Variants in RAB9B observed in about 807,000 individuals in gnomAD.
RAB9B encodes the protein ras-related protein Rab-9B.
Under a neutral mutation model 8.9 loss-of-function variants are expected in RAB9B, and 1 was observed. That is an observed-to-expected ratio of 0.11 (90% CI 0.04 to 0.53). The LOEUF is 0.53. RAB9B is among the 20% of genes least tolerant of loss of function. RAB9B has a pLI of 0.93. For missense variants in RAB9B, 82 were observed against 152.9 expected, an observed-to-expected ratio of 0.54 and a Z score of 2.45; for synonymous variants, 63 against 57.0, an observed-to-expected ratio of 1.10 and a Z score of -0.47.
the RAB9B span, chrX:103,776,637 C>T: frequency 1.2e-4 from 28 of 234,682 alleles, no homozygotes; most frequent in African/African-American, 7.1e-4. Context: ...TGCAGCAAAG[C>T]GAAATTCCAG....
the RAB9B span, among the ~76,000 whole-genome samples, chrX:103,805,161 G>A: frequency 8.9e-6 from 1 of 111,859 alleles, no homozygotes; most frequent in Non-Finnish European, 1.9e-5. Flanking sequence ...CCCTTTATGA[G>A]GTTAAGGAAA....
chrX:103,812,535 T>G, the RAB9B span, among the ~76,000 whole-genome samples: 1 of 112,151 alleles, frequency 8.9e-6, no homozygotes, highest in Non-Finnish European at 1.9e-5. Flanking sequence ...ATCAGACTTT[T>G]AAAGACTTGG....
downstream of RAB9B, among the ~76,000 whole-genome samples, chrX:103,820,945 G>A (rs1037147091): frequency 1.1e-5 from 1 of 91,274 alleles, no homozygotes; most frequent in African/African-American, 4.2e-5. Context: ...GCAAGACCCT[G>A]TCTCAAACAC....
the RAB9B span, among the ~76,000 whole-genome samples, chrX:103,814,150 C>T: frequency 8.9e-6 from 1 of 111,762 alleles, no homozygotes; most frequent in Non-Finnish European, 1.9e-5. Flanking sequence ...CTCAGCACCA[C>T]ATCACACTTA....
At chrX:103,814,402 A>AC in the RAB9B span, among the ~76,000 whole-genome samples, 1 of 112,095 alleles carries the variant, frequency 8.9e-6, no homozygotes, top group Non-Finnish European at 1.9e-5. Flanking sequence ...GAACAAAGGC[A>AC]CAACATACCA....
chrX:103,823,828 G>T lies in RAB9B; in HGVS notation c.*1351C>A, dbSNP rs1306634304. 1 of 112,313 alleles carries T rather than the reference G, an allele frequency of 8.9e-6. No homozygotes were observed. The highest frequency in any genetic ancestry group is 1.9e-5 in the Non-Finnish European group (1 of 53,284). The allele number at this position is 112,313 out of a possible 1,213,427, so 9.3% of individuals were successfully genotyped here. ...CAAAAGCAAAAGGAAGAGCTATGTA[G>T]TTGCTGTTAAAGATTGATCACAGAA... On this transcript the variant is annotated 3_prime_UTR_variant, in exon 3 of 3. Transcript: ENST00000243298.
chrX:103,814,904 A>G, the RAB9B span, among the ~76,000 whole-genome samples: 26 of 111,925 alleles, frequency 2.3e-4, 1 homozygote, highest in Non-Finnish European at 7.5e-5. Flanking sequence ...TGAATCTCTG[A>G]ATAGACCAAT....
At chrX:103,804,912 T>C in the RAB9B span, among the ~76,000 whole-genome samples, 55 of 111,887 alleles carry the variant, frequency 4.9e-4, 2 homozygotes, top group East Asian at 0.013. Context: ...GGGGCTTCTT[T>C]ACAATTTTTT....
chrX:103,816,658 G>T, the RAB9B span, among the ~76,000 whole-genome samples: 1 of 111,987 alleles, frequency 8.9e-6, no homozygotes, highest in East Asian at 2.8e-4. Context: ...TACAGAATGG[G>T]AGAAAATTTT....
the RAB9B span, chrX:103,787,679 G>A: frequency 1.6e-6 from 1 of 614,993 alleles, no homozygotes; most frequent in Non-Finnish European, 2.8e-6. Context: ...TTCATTTGAA[G>A]GAGAGCCCTG....
At chrX:103,782,803 C>T in the RAB9B span, among the ~76,000 whole-genome samples, 46 of 103 alleles carry the variant, frequency 0.45, no homozygotes, top group African/African-American at 0.51. Context: ...CTCCCCACCC[C>T]CCGGCTGCAG....
chrX:103,790,949 G>A, the RAB9B span: 2 of 263,088 alleles, frequency 7.6e-6, no homozygotes, highest in Non-Finnish European at 1.4e-5. Flanking sequence ...TACTTCCACT[G>A]ATGGAAACAA....
chrX:103,810,266 G>A, the RAB9B span, among the ~76,000 whole-genome samples: 2 of 111,368 alleles, frequency 1.8e-5, no homozygotes, highest in African/African-American at 6.5e-5. Context: ...TGCTTCCCAG[G>A]CAGGGCATTT....
rs1165699782 is a variant in RAB9B at position 103,825,169 on chromosome X, C to T, written c.*10G>A. On this transcript the variant is annotated 3_prime_UTR_variant, in exon 3 of 3. Coordinates refer to ENST00000243298, the MANE Select transcript of RAB9B (RefSeq NM_016370.4). ...CAATTTGGGGCACATTTTTAAAAGG[C>T]TCCCTATCTTTAACAGCACGAAGAC... 3.3e-6 allele frequency: 4 copies of T among 1,197,002 alleles called. No individual in the cohort carries two copies. The highest frequency in any genetic ancestry group is 4.5e-6 in the Non-Finnish European group (4 of 888,384).
the RAB9B span, among the ~76,000 whole-genome samples, chrX:103,802,220 C>CAGAG: frequency 1.2e-5 from 1 of 85,282 alleles, no homozygotes; most frequent in Non-Finnish European, 2.2e-5. Flanking sequence ...GAGAGAGAGA[C>CAGAG]AGAGAGAGAG....
the RAB9B span, among the ~76,000 whole-genome samples, chrX:103,802,256 GA>G: frequency 9.6e-6 from 1 of 104,246 alleles, no homozygotes; most frequent in African/African-American, 3.5e-5. Flanking sequence ...GAGAGACAGA[GA>G]GAGAGAGAGA....
chrX:103,776,411 G>A, the RAB9B span: 21 of 111,991 alleles, frequency 1.9e-4, no homozygotes, highest in African/African-American at 5.9e-4. Flanking sequence ...AGGGCCAAGG[G>A]CAGCTAGGAG....
chrX:103,776,544 C>A, the RAB9B span: 2 of 136,671 alleles, frequency 1.5e-5, no homozygotes, highest in Admixed American at 1.6e-4. Context: ...ATATCCCACA[C>A]CAATTAGACC....
chrX:103,778,540 T>A, the RAB9B span, among the ~76,000 whole-genome samples: 1 of 111,223 alleles, frequency 9.0e-6, no homozygotes, highest in Non-Finnish European at 1.9e-5. Flanking sequence ...TGAATATTAC[T>A]TCCTCAGGGG....
Sources: gnomAD v4.1 joint callset for allele counts (sites outside exome capture counted in the v4.1 genomes callset) on GRCh38, gnomAD v4.1.1 for gene constraint, MANE v1.5 for transcripts, NCBI Gene and HGNC (gene_info 2026-07-23, HGNC 2026-07-21) for gene names.